FAM3D: variants seen among roughly 807,000 people sequenced by gnomAD.
FAM3D encodes FAM3 metabolism regulating signaling molecule D.
In FAM3D, 26 loss-of-function variants were observed where a neutral mutation model predicts 29.8. The ratio of observed to expected loss-of-function variants is 0.87; its 90% confidence interval spans 0.64 to 1.21. The LOEUF (loss-of-function observed/expected upper bound fraction) is 1.21. Ranked by LOEUF, FAM3D falls within the 50% of genes most tolerant of loss-of-function variation. The probability of loss-of-function intolerance (pLI) is 0.00; values close to 1 mark genes in which losing one functional copy is unlikely to be tolerated. For synonymous variants in FAM3D, 115 were observed against 102.3 expected (o/e 1.12, Z -0.75); for missense variants, 253 against 290.9 (o/e 0.87, Z 0.95).
intron 4 of FAM3D, among the ~76,000 whole-genome samples, chr3:58,647,577 C>T (rs1390492943): frequency 6.6e-6 from 1 of 152,230 alleles, no homozygotes; most frequent in Non-Finnish European, 1.5e-5. Context: ...TCTGATAAAC[C>T]TGATGTCAAC....
At chr3:58,657,357 C>T (rs549042715) in intron 1 of FAM3D, among the ~76,000 whole-genome samples, 27 of 119,824 alleles carry the variant, frequency 2.3e-4, no homozygotes, top group East Asian at 6.9e-4. Flanking sequence ...AAGGGGGAGA[C>T]GGAGAGAAGG....
At position 58,637,152 on chromosome 3, in the gene FAM3D, A is replaced by G. The variant is rs2106707831; in HGVS notation, c.447T>C (p.Asp149=). The change falls in exon 8 of 10, where the codon GAT becomes GAC. Residue 149 remains aspartate (D), a synonymous_variant. Transcript: ENST00000358781. The part of the protein sequence containing the change: ...GALVLVASYD[D]PGTKMNDESR... Reference sequence around the variant, plus strand: ...AGTTTTCTACTTACTTGGTCCCTGGATCGTCGTAGGAGGCCACCAGCACCA... The same window carrying G: ...AGTTTTCTACTTACTTGGTCCCTGGGTCGTCGTAGGAGGCCACCAGCACCA... The G allele has an allele frequency of 6.2e-7, 1 of 1,613,932 alleles. No homozygotes were observed. Among genetic ancestry groups the G allele is most frequent in the Non-Finnish European group, 8.5e-7 (1 of 1,179,950 alleles).
At chr3:58,645,022 T>A (rs1019312439) in intron 5 of FAM3D, among the ~76,000 whole-genome samples, 3 of 152,220 alleles carry the variant, frequency 2.0e-5, no homozygotes, top group African/African-American at 4.8e-5. Flanking sequence ...TCCCAGGGCC[T>A]TTACTGTCTA....
At position 58,642,819 on chromosome 3, in the gene FAM3D, C is replaced by G. The variant is rs866526597; in HGVS notation, c.322+843G>C. 1.7e-4 allele frequency among the ~76,000 whole-genome samples: 26 copies of G among 152,288 alleles called. No homozygotes were observed. The Middle Eastern group carries it at 0.014, about 80-fold the overall frequency. On this transcript the variant is annotated intron_variant, in intron 6 of 9. Transcript: ENST00000358781. Reference sequence around the variant, plus strand: ...CACTGCTCAAAGCCTTTCCGTGGCTCCCTACTGCTCTCGGCTTCCAGTCAC... The same window carrying G: ...CACTGCTCAAAGCCTTTCCGTGGCTGCCTACTGCTCTCGGCTTCCAGTCAC...
At position 58,635,027 on chromosome 3, in the gene FAM3D, T is replaced by C. The variant is rs2066122266; in HGVS notation, c.586-659A>G. On this transcript the variant is annotated intron_variant, in intron 9 of 9. Coordinates refer to ENST00000358781, the MANE Select transcript of FAM3D (RefSeq NM_138805.3). The surrounding 1 kb of genome is among the most constrained non-coding windows in gnomAD (Gnocchi z 5.2). Reference sequence around the variant, plus strand: ...CTGTCTCTAGAAAACATAAAAAAATTAGCTGGATGTGGTGGCACATGCCTG... The same window carrying C: ...CTGTCTCTAGAAAACATAAAAAAATCAGCTGGATGTGGTGGCACATGCCTG... Among the ~76,000 whole-genome samples the C allele has an allele frequency of 6.6e-6, 1 of 151,964 alleles. No individual in the cohort carries two copies. The highest frequency in any genetic ancestry group is 1.5e-5 in the Non-Finnish European group (1 of 67,982).
At chr3:58,636,072 T>C (rs1377229640) in intron 9 of FAM3D, among the ~76,000 whole-genome samples, 3 of 152,258 alleles carry the variant, frequency 2.0e-5, no homozygotes, top group Admixed American at 6.5e-5. Context: ...ATTATCTGTA[T>C]ACCTGCGTAT....
At chr3:58,636,174 C>T in intron 9 of FAM3D, 120 bp downstream of exon 9, 1 of 1,452,638 alleles carries the variant, frequency 6.9e-7, no homozygotes, top group Non-Finnish European at 9.2e-7. Flanking sequence ...AGCCAGGGGC[C>T]TCTCCCCAGA....
In FAM3D at chr3:58,634,252, C is replaced by T; in HGVS notation, c.*27G>A. On this transcript the variant is annotated 3_prime_UTR_variant, in exon 10 of 10. Transcript: ENST00000358781. This position sits in a 1 kb window ranked among gnomAD's most constrained non-coding sequence, Gnocchi z 4.6. ...AGTCAGGCAGGAGCTTCTTCAGGCCCCTGGCTGAGGAAGAGCCACAGCCAC... is the reference window on the plus strand; with the variant it reads ...AGTCAGGCAGGAGCTTCTTCAGGCCTCTGGCTGAGGAAGAGCCACAGCCAC... 6.2e-7 allele frequency: 1 copy of T among 1,607,246 alleles called. No homozygotes were observed. The highest frequency in any genetic ancestry group is 8.5e-7 in the Non-Finnish European group (1 of 1,175,576).
chr3:58,648,135 G>C (rs1202960517), intron 4 of FAM3D, among the ~76,000 whole-genome samples: 1 of 152,234 alleles, frequency 6.6e-6, no homozygotes, highest in Non-Finnish European at 1.5e-5. Flanking sequence ...CCCCCAGCAG[G>C]TGATGTCTAA....
chr3:58,658,179 A>G lies in FAM3D; in HGVS notation c.-38-2578T>C, dbSNP rs533912866. 2.9e-3 allele frequency among the ~76,000 whole-genome samples: 447 copies of G among 152,330 alleles called. 1 individual carries two copies. Among genetic ancestry groups the G allele is most frequent in the African/African-American group, 0.01 (428 of 41,570 alleles). Reference sequence around the variant, plus strand: ...CCCTTCTCATTTCTGACTGCAGGTCAGCCGTGTGTGTAAGCCCCAAGCCTC... The same window carrying G: ...CCCTTCTCATTTCTGACTGCAGGTCGGCCGTGTGTGTAAGCCCCAAGCCTC... On this transcript the variant is annotated intron_variant, in intron 1 of 9. Transcript: ENST00000358781.
At chr3:58,642,586 T>A (rs1283100160) in intron 6 of FAM3D, among the ~76,000 whole-genome samples, 1 of 152,180 alleles carries the variant, frequency 6.6e-6, no homozygotes, top group Non-Finnish European at 1.5e-5. Context: ...CTAGACCACC[T>A]GGTCCTTACC....
At chr3:58,640,773 G>T (rs549323988) in intron 6 of FAM3D, among the ~76,000 whole-genome samples, 1 of 152,238 alleles carries the variant, frequency 6.6e-6, no homozygotes, top group East Asian at 1.9e-4. Flanking sequence ...GTCTTCTGGA[G>T]GAACGTTACA....
rs539773368 is a variant in FAM3D, at chr3:58,651,433, T to C, written c.122-2095A>G. 2.6e-5 allele frequency among the ~76,000 whole-genome samples: 4 copies of C among 152,342 alleles called. 1 individual carries two copies. The South Asian group carries it at 8.3e-4, about 32-fold the overall frequency. ...TTCCCACTGGTTACATTTCCTGCCA[T>C]TGTAAACATTTCCTGAGACTCTGCA... On this transcript the variant is annotated intron_variant, in intron 3 of 9. Coordinates refer to ENST00000358781, the MANE Select transcript of FAM3D (RefSeq NM_138805.3).
chr3:58,653,326 C>T (rs62250345), intron 3 of FAM3D, among the ~76,000 whole-genome samples: 18,345 of 152,140 alleles, frequency 0.12, 1,471 homozygotes, highest in Non-Finnish European at 0.17. Context: ...CAGGTGAAGA[C>T]GCTCAATATA....
chr3:58,642,136 T>G (rs1370486365), intron 6 of FAM3D, among the ~76,000 whole-genome samples: 3 of 152,186 alleles, frequency 2.0e-5, no homozygotes, highest in African/African-American at 7.2e-5. Flanking sequence ...GGAACAGGCC[T>G]GGGCCCTCCT....
intron 1 of FAM3D, among the ~76,000 whole-genome samples, chr3:58,665,632 C>A (rs2067015576): frequency 6.6e-6 from 1 of 152,268 alleles, no homozygotes; most frequent in South Asian, 2.1e-4. Context: ...CACTTCCAGC[C>A]ATGGACTCAG....
chr3:58,652,039 G>A (rs149955401), intron 3 of FAM3D, among the ~76,000 whole-genome samples: 1 of 152,336 alleles, frequency 6.6e-6, no homozygotes, highest in African/African-American at 2.4e-5. Context: ...ACTGATGTTT[G>A]TGATGATGTC....
chr3:58,636,680 A>G (rs1428044093), intron 8 of FAM3D, among the ~76,000 whole-genome samples: 1 of 152,212 alleles, frequency 6.6e-6, no homozygotes, highest in African/African-American at 2.4e-5. Context: ...TTCATTTGGA[A>G]AATATGGAAG....
Position 58,634,551 on chromosome 3 carries a change from A to G in FAM3D, c.586-183T>C, listed in dbSNP as rs1222247579. The G allele has an allele frequency of 5.3e-6, 3 of 569,162 alleles. No homozygotes were observed. In the African/African-American group the frequency reaches 5.8e-5, roughly 11 times the overall value. 35.3% of individuals were successfully genotyped at this position (569,162 alleles called of 1,614,324 possible). A position where few individuals can be genotyped will look rare whatever the true frequency, so the allele number is the denominator to read the frequency against. On this transcript the variant is annotated intron_variant, in intron 9 of 9. Coordinates refer to ENST00000358781, the MANE Select transcript of FAM3D (RefSeq NM_138805.3). This position sits in a 1 kb window ranked among gnomAD's most constrained non-coding sequence, Gnocchi z 4.6. ...TGCTCAAGATCTCAGAGATGGGATC[A>G]GAGCCCAGTTAACTGCTCTCACGCC...
Sources: allele counts gnomAD v4.1 joint callset (sites outside exome capture counted in the v4.1 genomes callset), GRCh38; gene constraint gnomAD v4.1.1; non-coding constraint Gnocchi (gnomAD v3.1); transcripts MANE v1.5; gene names NCBI Gene and HGNC (gene_info 2026-07-23, HGNC 2026-07-21).